The following KIAA1328 variants were observed in gnomAD, a reference collection of about 807,000 sequenced individuals.
The protein encoded by KIAA1328 is KIAA1328, also known as protein hinderin.
In KIAA1328, 52 loss-of-function variants were observed where a neutral mutation model predicts 68.1. The ratio of observed to expected loss-of-function variants is 0.76; its 90% CI spans 0.61 to 0.96. The LOEUF (loss-of-function observed/expected upper bound fraction) is 0.96. Ranked by LOEUF, KIAA1328 falls within the 40% of genes least tolerant of loss-of-function variation. The pLI is 0.00. For synonymous variants in KIAA1328, 232 were observed against 239.4 expected, an observed-to-expected ratio of 0.97 and a Z score of 0.28; for missense variants, 641 against 677.6, an observed-to-expected ratio of 0.95 and a Z score of 0.60.
At chr18:37,041,876 A>G (rs942143420) in intron 6 of KIAA1328, among the ~76,000 whole-genome samples, 10 of 152,060 alleles carry the variant, frequency 6.6e-5, no homozygotes, top group Admixed American at 2.0e-4. Flanking sequence ...TTTCATACAG[A>G]TAATATTTTT....
chr18:36,961,946 A>T (rs1472785500), intron 6 of KIAA1328, among the ~76,000 whole-genome samples: 2 of 152,226 alleles, frequency 1.3e-5, no homozygotes, highest in East Asian at 3.8e-4. Flanking sequence ...TAATGACAGG[A>T]TCAAATTCCA....
intron 7 of KIAA1328, among the ~76,000 whole-genome samples, chr18:37,105,028 C>A (rs1305572529): frequency 6.6e-6 from 1 of 152,126 alleles, no homozygotes; most frequent in African/African-American, 2.4e-5. Flanking sequence ...AATTTGTAAC[C>A]CACAACTAAC....
chr18:36,839,305 T>C (rs889726990), intron 3 of KIAA1328, among the ~76,000 whole-genome samples: 1 of 152,186 alleles, frequency 6.6e-6, no homozygotes, highest in African/African-American at 2.4e-5. Context: ...TGCTATGTCT[T>C]CAAATTCATT....
At chr18:37,032,411 C>A (rs2054865355) in intron 6 of KIAA1328, among the ~76,000 whole-genome samples, 1 of 151,654 alleles carries the variant, frequency 6.6e-6, no homozygotes, top group Non-Finnish European at 1.5e-5. Context: ...TAGCAGTTTA[C>A]ATTCATTTTT....
intron 7 of KIAA1328, among the ~76,000 whole-genome samples, chr18:37,116,722 G>A (rs947912956): frequency 3.9e-5 from 6 of 152,126 alleles, no homozygotes; most frequent in Admixed American, 3.9e-4. Context: ...GAGTGAACAG[G>A]CAACCTACAG....
chr18:37,161,189 G>A (rs1427141390), intron 8 of KIAA1328, among the ~76,000 whole-genome samples: 1 of 152,048 alleles, frequency 6.6e-6, no homozygotes. Context: ...TTTTCCTACT[G>A]GGCCAGCACC....
At chr18:36,990,671 AATAT>A (rs149879506) in intron 6 of KIAA1328, among the ~76,000 whole-genome samples, 2 of 146,730 alleles carry the variant, frequency 1.4e-5, no homozygotes, top group Admixed American at 6.8e-5. Context: ...ACTCCGTCTA[AATAT>A]ATATATATAT....
At chr18:37,026,045 C>T (rs995315875) in intron 6 of KIAA1328, among the ~76,000 whole-genome samples, 6 of 152,114 alleles carry the variant, frequency 3.9e-5, no homozygotes, top group Non-Finnish European at 5.9e-5. Flanking sequence ...GGGGATATCA[C>T]CACCAATCCC....
intron 7 of KIAA1328, among the ~76,000 whole-genome samples, chr18:37,112,286 G>A (rs1017290223): frequency 2.0e-5 from 3 of 152,190 alleles, no homozygotes; most frequent in African/African-American, 7.2e-5. Flanking sequence ...GGAGCCGACT[G>A]ATACTTCATA....
intron 5 of KIAA1328, among the ~76,000 whole-genome samples, chr18:36,926,325 A>T (rs2050114547): frequency 6.6e-6 from 1 of 152,110 alleles, no homozygotes; most frequent in African/African-American, 2.4e-5. Context: ...TATTAATGGG[A>T]AAGAGGAAAA....
chr18:36,989,815 G>A (rs1396957111), intron 6 of KIAA1328, among the ~76,000 whole-genome samples: 1 of 151,900 alleles, frequency 6.6e-6, no homozygotes, highest in Non-Finnish European at 1.5e-5. Flanking sequence ...CTGCCTCAGC[G>A]TCCCAAGTAG....
At chr18:36,918,515 C>A (rs11664109) in intron 5 of KIAA1328, among the ~76,000 whole-genome samples, 20,141 of 150,526 alleles carry the variant, frequency 0.13, 1,714 homozygotes, top group Admixed American at 0.18. Flanking sequence ...TGGGTTCAAG[C>A]AGTTCTCCTG....
At chr18:36,974,817 C>T (rs1279383150) in intron 6 of KIAA1328, among the ~76,000 whole-genome samples, 1 of 152,144 alleles carries the variant, frequency 6.6e-6, no homozygotes, top group Non-Finnish European at 1.5e-5. Context: ...TTCTATTGTT[C>T]ATTTATTTCT....
At chr18:37,123,148 A>G (rs1347453158) in intron 7 of KIAA1328, among the ~76,000 whole-genome samples, 2 of 152,140 alleles carry the variant, frequency 1.3e-5, no homozygotes, top group South Asian at 4.1e-4. Context: ...GACTGAAGAG[A>G]GAAAGCATTC....
chr18:37,229,601 C>T (rs771000552), downstream of KIAA1328: 26 of 1,272,210 alleles, frequency 2.0e-5, no homozygotes, highest in East Asian at 2.9e-4. Flanking sequence ...TCCATCCAGG[C>T]GCGGTGGCTT....
chr18:37,105,753 C>T (rs758983281), intron 7 of KIAA1328, among the ~76,000 whole-genome samples: 3 of 150,686 alleles, frequency 2.0e-5, no homozygotes, highest in Non-Finnish European at 3.0e-5. Flanking sequence ...CCCATCTCTA[C>T]TAAAAATACA....
chr18:36,882,382 G>A (rs919748827), intron 4 of KIAA1328, among the ~76,000 whole-genome samples: 4 of 152,092 alleles, frequency 2.6e-5, no homozygotes, highest in East Asian at 1.9e-4. Flanking sequence ...ACTGTTGAAC[G>A]TAAGAAGACA....
intron 6 of KIAA1328, among the ~76,000 whole-genome samples, chr18:37,020,055 C>G (rs544288442): frequency 3.3e-5 from 5 of 152,312 alleles, no homozygotes; most frequent in African/African-American, 1.2e-4. Flanking sequence ...GCACGAAGAT[C>G]TCTGCACAGG....
intron 6 of KIAA1328, among the ~76,000 whole-genome samples, chr18:37,007,938 T>A (rs1313332872): frequency 6.6e-6 from 1 of 152,248 alleles, no homozygotes; most frequent in Non-Finnish European, 1.5e-5. Context: ...GGAAAGTTTT[T>A]CTTTTCTTTT....
Sources: gnomAD v4.1 joint callset for allele counts (sites outside exome capture counted in the v4.1 genomes callset) on GRCh38, gnomAD v4.1.1 for gene constraint, MANE v1.5 for transcripts, NCBI Gene and HGNC (gene_info 2026-07-23, HGNC 2026-07-21) for gene names.